TARS2: variants seen among roughly 807,000 people sequenced by gnomAD.
TARS2 encodes the protein threonyl-tRNA synthetase 2, mitochondrial.
In TARS2, 61 loss-of-function variants were observed where a neutral mutation model predicts 94.4. The ratio of observed to expected loss-of-function variants is 0.65; its 90% CI spans 0.53 to 0.80. The LOEUF is 0.80. Among genes scored for constraint, TARS2 ranks in the 30% least tolerant of loss-of-function variants. The pLI is 0.00. For missense variants in TARS2, 704 were observed against 902.5 expected (o/e 0.78, Z 2.82); for synonymous variants, 359 against 353.4 (o/e 1.02, Z -0.18).
At chr1:150,501,285 C>T (rs899748031) in intron 13 of TARS2, among the ~76,000 whole-genome samples, 4 of 144,886 alleles carry the variant, frequency 2.8e-5, no homozygotes, top group Non-Finnish European at 4.5e-5. Flanking sequence ...AATAAGACCT[C>T]GTCTCTACAA....
At position 150,488,058 on chromosome 1, in the gene TARS2, A is replaced by G; in HGVS notation, c.263+4A>G. ...ACCAACTAGCCCGGCAGATCAGGTAACAGGCCCATCCTGTAACTACCAGGA... is the reference window on the plus strand; with the variant it reads ...ACCAACTAGCCCGGCAGATCAGGTAGCAGGCCCATCCTGTAACTACCAGGA... On this transcript the variant is annotated splice_donor_region_variant and intron_variant, in intron 2 of 17. Transcript: ENST00000369064. 1 of 1,613,688 alleles carries G rather than the reference A, an allele frequency of 6.2e-7. No individual in the cohort carries two copies. Among genetic ancestry groups the G allele is most frequent in the Non-Finnish European group, 8.5e-7 (1 of 1,179,764 alleles).
At chr1:150,500,625 G>A (rs1570859788) in intron 13 of TARS2, among the ~76,000 whole-genome samples, 1 of 151,834 alleles carries the variant, frequency 6.6e-6, no homozygotes, top group Non-Finnish European at 1.5e-5. Flanking sequence ...GGTGGCTCAC[G>A]CCTATAATCC....
chr1:150,497,186 G>A (rs1196465027), intron 9 of TARS2, among the ~76,000 whole-genome samples: 3 of 152,140 alleles, frequency 2.0e-5, no homozygotes, highest in Non-Finnish European at 2.9e-5. Context: ...TGGGGAGGCT[G>A]AGGCAGGAGA....
At chr1:150,499,072 C>T (rs1199651561) in intron 12 of TARS2, 38 bp downstream of exon 12, 15 of 1,613,898 alleles carry the variant, frequency 9.3e-6, no homozygotes, top group Non-Finnish European at 1.1e-5. Context: ...AGATAAACCA[C>T]TCTCTGGTGG....
rs367685337 is a variant in TARS2, at chr1:150,491,961, GTTTTTTTTTT to G, written c.695+313_695+322del. 0.14 allele frequency: 18,432 copies of G among 128,828 alleles called. 775 individuals carry two copies. The highest frequency in any genetic ancestry group is 0.17 in the African/African-American group (4,195 of 24,280). The allele number at this position is 128,828 out of a possible 1,614,324, so 8.0% of individuals were successfully genotyped here. A position where few individuals can be genotyped will look rare whatever the true frequency, so the allele number is the denominator to read the frequency against. ...AGGCATGTGCCACCATGCCTGGCTA[GTTTTTTTTTT>G]TTTTTTTTTTTTTGAGATGAAGTCT... On this transcript the variant is annotated intron_variant, in intron 6 of 17. Transcript: ENST00000369064.
intron 7 of TARS2, among the ~76,000 whole-genome samples, chr1:150,492,913 C>T (rs1261784972): frequency 1.3e-5 from 2 of 148,850 alleles, no homozygotes; most frequent in African/African-American, 5.0e-5. Flanking sequence ...GAGACCAAGT[C>T]TCTCGGTCGC....
At chr1:150,504,792 TC>T in intron 15 of TARS2, 59 bp downstream of exon 15, 1 of 1,608,788 alleles carries the variant, frequency 6.2e-7, no homozygotes, top group Non-Finnish European at 8.5e-7. Flanking sequence ...ATGCTCCAGA[TC>T]CTGTCCCCCT....
rs587611757 is a variant in TARS2, at chr1:150,492,939, G to A, written c.774+450G>A. Among the ~76,000 whole-genome samples, 13 of 151,140 alleles carry A rather than the reference G, an allele frequency of 8.6e-5. No homozygotes were observed. The South Asian group carries it at 2.7e-3, about 32-fold the overall frequency. On this transcript the variant is annotated intron_variant, in intron 7 of 17. Coordinates refer to ENST00000369064, the MANE Select transcript of TARS2 (RefSeq NM_025150.5). Reference sequence around the variant, plus strand: ...TCTCGGTCGCCCAGGCTGGAGTGCAGTGGCGCGATCTTGGCTCACTGCAAG... The same window carrying A: ...TCTCGGTCGCCCAGGCTGGAGTGCAATGGCGCGATCTTGGCTCACTGCAAG...
At chr1:150,498,207 G>C (rs587619696) in intron 10 of TARS2, among the ~76,000 whole-genome samples, 9 of 152,194 alleles carry the variant, frequency 5.9e-5, no homozygotes, top group African/African-American at 2.2e-4. Flanking sequence ...TACCTCTTTA[G>C]GTCTCAGTCT....
chr1:150,488,646 T>G, intron 2 of TARS2: 1 of 234,078 alleles, frequency 4.3e-6, no homozygotes, highest in Non-Finnish European at 8.4e-6. Flanking sequence ...ACATTTATCA[T>G]TTCTTTGTGT....
Position 150,504,817 on chromosome 1 carries a change from T to G in TARS2, c.1820+84T>G, listed in dbSNP as rs1362021572. On this transcript the variant is annotated intron_variant, in intron 15 of 17. Transcript: ENST00000369064. Reference sequence around the variant, plus strand: ...TCCTGTCCCCCTTCATATGCCAGCCTCTTTCCTTCTCAAGTCTGCTCCATA... The same window carrying G: ...TCCTGTCCCCCTTCATATGCCAGCCGCTTTCCTTCTCAAGTCTGCTCCATA... 3 of 1,606,360 alleles carry G rather than the reference T, an allele frequency of 1.9e-6. No individual in the cohort carries two copies. In the East Asian group the frequency reaches 6.7e-5, roughly 36 times the overall value.
At chr1:150,501,435 A>G (rs1669915779) in intron 13 of TARS2, among the ~76,000 whole-genome samples, 1 of 139,816 alleles carries the variant, frequency 7.2e-6, no homozygotes, top group Admixed American at 7.8e-5. Flanking sequence ...CTCCTGTCTC[A>G]GCCTCCCGAG....
chr1:150,506,538 A>C (rs1001014739), intron 17 of TARS2, among the ~76,000 whole-genome samples: 2 of 131,310 alleles, frequency 1.5e-5, no homozygotes, highest in Admixed American at 8.0e-5. Context: ...TGGGGTTCTC[A>C]TTGTTTGTCT....
chr1:150,497,512 C>T lies in TARS2; in HGVS notation c.1021-18C>T, dbSNP rs779459507. On this transcript the variant is annotated intron_variant, in intron 9 of 17. Coordinates refer to ENST00000369064, the MANE Select transcript of TARS2 (RefSeq NM_025150.5). ...TTCCAGTTACTCTGACCTTCCATGT[C>T]TGTACCCTCCTCTCCAGGCTGAGTA... 9 of 1,612,142 alleles carry T rather than the reference C, an allele frequency of 5.6e-6. No homozygotes were observed. Among genetic ancestry groups the T allele is most frequent in the Non-Finnish European group, 7.6e-6 (9 of 1,178,900 alleles).
Position 150,497,673 on chromosome 1 carries a change from C to T in TARS2, c.1164C>T (p.Ser388=). 14 of 1,614,176 alleles carry T rather than the reference C, an allele frequency of 8.7e-6. No homozygotes were observed. Among genetic ancestry groups the T allele is most frequent in the Non-Finnish European group, 1.2e-5 (14 of 1,180,028 alleles). ...VQPPGSDRPP[S]SQSDDSTRHI... is the part of the protein sequence containing the mutation. ...CCCCAGGCTCTGACAGGCCTCCCAG[C>T]TCCCAGAGTGACGATTCTACCAGGC... The change falls in exon 10 of 18, where the codon AGC becomes AGT. Residue 388 remains serine, a synonymous_variant. Coordinates refer to ENST00000369064, the MANE Select transcript of TARS2 (RefSeq NM_025150.5).
At chr1:150,503,708 T>TATAC (rs1464283551) in intron 13 of TARS2, among the ~76,000 whole-genome samples, 2 of 146,312 alleles carry the variant, frequency 1.4e-5, no homozygotes, top group Non-Finnish European at 3.0e-5. Flanking sequence ...TGTGTATATA[T>TATAC]ACACACACAC....
intron 3 of TARS2, 149 bp from the exon 4 acceptor site, chr1:150,490,452 C>T (rs1017001654): frequency 3.3e-6 from 4 of 1,210,048 alleles, no homozygotes; most frequent in Non-Finnish European, 4.5e-6. Flanking sequence ...TTAGTGGTCA[C>T]CCCCAAAATC....
At chr1:150,497,791 A>G in intron 10 of TARS2, 44 bp downstream of exon 10, 1 of 1,577,750 alleles carries the variant, frequency 6.3e-7, no homozygotes, top group Non-Finnish European at 8.6e-7. Flanking sequence ...TAAATATTAA[A>G]TAATAGAAAG....
chr1:150,491,808 T>C lies in TARS2; in HGVS notation c.695+146T>C. 3.4e-6 allele frequency: 3 copies of C among 871,146 alleles called. No homozygotes were observed. In the South Asian group the frequency reaches 5.0e-5, roughly 15 times the overall value. 54.0% of individuals were successfully genotyped at this position (871,146 alleles called of 1,614,324 possible). A position where few individuals can be genotyped will look rare whatever the true frequency, so the allele number is the denominator to read the frequency against. ...TGGGAATTGATTTTTTTTTTTTCTT[T>C]TTTTGAGACGGAGTCTTGGTCTGTC... On this transcript the variant is annotated intron_variant, in intron 6 of 17. Coordinates refer to ENST00000369064, the MANE Select transcript of TARS2 (RefSeq NM_025150.5).
Sources: allele counts gnomAD v4.1 joint callset (sites outside exome capture counted in the v4.1 genomes callset), GRCh38; gene constraint gnomAD v4.1.1; transcripts MANE v1.5; gene names NCBI Gene and HGNC (gene_info 2026-07-23, HGNC 2026-07-21).